The following TACC2 variants were observed in gnomAD, a reference collection of about 807,000 sequenced individuals.
TACC2 encodes the protein transforming acidic coiled-coil containing protein 2.
Under a neutral mutation model 227.3 loss-of-function variants are expected in TACC2, and 137 were observed. The ratio of observed to expected loss-of-function variants is 0.60; its 90% CI spans 0.52 to 0.69. TACC2 has a LOEUF of 0.69. Ranked by LOEUF, TACC2 falls within the 30% of genes least tolerant of loss-of-function variation. The pLI is 0.00. For missense variants in TACC2, 3,470 were observed against 3,694.4 expected (o/e 0.94, Z 1.57); for synonymous variants, 1,523 against 1,487.5 (o/e 1.02, Z -0.55).
intron 5 of TACC2, among the ~76,000 whole-genome samples, chr10:122,097,615 G>A (rs1400437963): frequency 6.6e-6 from 1 of 152,116 alleles, no homozygotes. Flanking sequence ...ATGAGATCAA[G>A]CTGGAGGCTA....
Position 122,082,676 on chromosome 10 carries a change from G to A in TACC2, c.176G>A (p.Cys59Tyr). The A allele has an allele frequency of 6.2e-7, 1 of 1,613,514 alleles. No homozygotes were observed. The highest frequency in any genetic ancestry group is 8.5e-7 in the Non-Finnish European group (1 of 1,179,718). The change falls in exon 4 of 23, where the codon TGC becomes TAC. Residue 59 changes from cysteine (C) to tyrosine (Y), a missense_variant. Cys to Tyr is a radical substitution (Grantham distance 194). Transcript: ENST00000369005. ...GGCAGCGTTGGGCTTGGAGGCTTCT[G>A]CACCGCTTCTGAGAGTTCTGCCAGC... The part of the protein sequence containing the change: ...SIGSVGLGGF[C>Y]TASESSASLD...
intron 3 of TACC2, among the ~76,000 whole-genome samples, chr10:122,073,129 ATATATATAT>A (rs2078322863): frequency 1.8e-5 from 1 of 55,778 alleles, no homozygotes; most frequent in African/African-American, 6.2e-5. Flanking sequence ...AAAAAAAAAT[ATATATATAT>A]ATATATATAT....
chr10:122,098,965 G>A (rs1270524811), intron 5 of TACC2, among the ~76,000 whole-genome samples: 1 of 152,208 alleles, frequency 6.6e-6, no homozygotes, highest in Non-Finnish European at 1.5e-5. Context: ...TGGAATCTAG[G>A]GCTTTGGGGT....
chr10:122,192,576 A>T (rs2094445233), intron 7 of TACC2: 1 of 408,542 alleles, frequency 2.4e-6, no homozygotes, highest in Non-Finnish European at 5.1e-6. Context: ...CCGGTGGTGC[A>T]GCTAACTTTT....
In TACC2 at chr10:122,163,706, C is replaced by G. The variant is rs574777994; in HGVS notation, c.5834+20000C>G. ...CTCGGGCGCGCGCCGGCCACACTCG[C>G]GCGCACACATACGCGGCGCTCGCCC... On this transcript the variant is annotated intron_variant, in intron 7 of 22. Coordinates refer to ENST00000369005, the MANE Select transcript of TACC2 (RefSeq NM_206862.4). The G allele has an allele frequency of 7.6e-5, 78 of 1,025,084 alleles. 1 individual carries two copies. The South Asian group carries it at 3.2e-3, about 42-fold the overall frequency. 63.5% of individuals were successfully genotyped at this position (1,025,084 alleles called of 1,614,324 possible).
At chr10:122,247,768 G>A (rs1235463079) in intron 19 of TACC2, 3 of 152,142 alleles carry the variant, frequency 2.0e-5, no homozygotes, top group Non-Finnish European at 2.9e-5. Flanking sequence ...GAAGGGAGAC[G>A]GGTTGAAAAC....
chr10:122,224,640 C>A (rs900124362), intron 11 of TACC2, 86 bp from the exon 12 acceptor site: 1 of 1,216,582 alleles, frequency 8.2e-7, no homozygotes, highest in South Asian at 1.3e-5. Context: ...TCCCACCCTG[C>A]CTGGCTCAGA....
intron 11 of TACC2, among the ~76,000 whole-genome samples, chr10:122,221,720 A>C (rs555908192): frequency 2.6e-5 from 4 of 152,172 alleles, no homozygotes; most frequent in African/African-American, 9.6e-5. Flanking sequence ...GCTCCTTTAC[A>C]TTTGTGTTAC....
intron 7 of TACC2, among the ~76,000 whole-genome samples, chr10:122,168,621 T>A (rs1363470767): frequency 6.6e-6 from 1 of 152,142 alleles, no homozygotes; most frequent in Non-Finnish European, 1.5e-5. Context: ...GGCCATGCCA[T>A]GCTAGGGCCC....
chr10:121,996,096 GCT>G (rs1258627414), intron 1 of TACC2, among the ~76,000 whole-genome samples: 1 of 151,826 alleles, frequency 6.6e-6, no homozygotes, highest in Non-Finnish European at 1.5e-5. Flanking sequence ...ATAGGATCTT[GCT>G]CTGTTGCCCA....
chr10:122,142,359 C>T (rs1431915946), intron 6 of TACC2, among the ~76,000 whole-genome samples: 1 of 152,242 alleles, frequency 6.6e-6, no homozygotes, highest in Non-Finnish European at 1.5e-5. Flanking sequence ...GATGTGGCCC[C>T]TGTCCTCGTG....
At chr10:122,053,048 G>A (rs1477324485) in intron 3 of TACC2, among the ~76,000 whole-genome samples, 1 of 152,162 alleles carries the variant, frequency 6.6e-6, no homozygotes, top group East Asian at 1.9e-4. Flanking sequence ...AACCTATTCG[G>A]TTCTGATCCT....
Position 122,227,900 on chromosome 10 carries a change from A to G in TACC2, c.7788A>G (p.Pro2596=), listed in dbSNP as rs753808693. 6.2e-7 allele frequency: 1 copy of G among 1,614,258 alleles called. No homozygotes were observed. Among genetic ancestry groups the G allele is most frequent in the East Asian group, 2.2e-5 (1 of 44,888 alleles). The change falls in exon 14 of 23, where the codon CCA becomes CCG. Residue 2596 remains proline (P), a synonymous_variant. Transcript: ENST00000369005. The part of the protein sequence containing the change: ...NTAAKNQHPV[P]RGLAPNQESH... Reference sequence around the variant, plus strand: ...CTGCGAAAAACCAGCATCCTGTCCCACGAGGACTGGCCCCTAACCAAGAGT... The same window carrying G: ...CTGCGAAAAACCAGCATCCTGTCCCGCGAGGACTGGCCCCTAACCAAGAGT...
At chr10:122,063,331 G>GGGC (rs997685940) in intron 3 of TACC2, among the ~76,000 whole-genome samples, 2 of 152,124 alleles carry the variant, frequency 1.3e-5, no homozygotes, top group African/African-American at 4.8e-5. Context: ...AGGGTGTGTC[G>GGGC]GGCAGAGCGC....
At chr10:122,017,955 C>CT (rs199883119) in intron 1 of TACC2, among the ~76,000 whole-genome samples, 19,781 of 129,842 alleles carry the variant, frequency 0.15, 1,735 homozygotes, top group Non-Finnish European at 0.21. Flanking sequence ...TAGTGGAATT[C>CT]TTTTTTTTTT....
intron 2 of TACC2, among the ~76,000 whole-genome samples, chr10:122,030,193 A>G (rs1365144961): frequency 6.6e-6 from 1 of 152,116 alleles, no homozygotes; most frequent in Non-Finnish European, 1.5e-5. Flanking sequence ...GAGGTGGGTA[A>G]ACTTCTTTAA....
chr10:122,252,675 T>C (rs1233817750), intron 22 of TACC2, among the ~76,000 whole-genome samples: 1 of 152,054 alleles, frequency 6.6e-6, no homozygotes, highest in Non-Finnish European at 1.5e-5. Context: ...GTATTTTTAG[T>C]AGTGACAGGG....
chr10:122,155,088 T>G (rs1248851333), intron 7 of TACC2, among the ~76,000 whole-genome samples: 2 of 152,230 alleles, frequency 1.3e-5, no homozygotes, highest in Non-Finnish European at 2.9e-5. Context: ...CTGTCTCTGT[T>G]CAAAATGAGG....
chr10:122,178,919 A>G (rs1055404747), intron 7 of TACC2, among the ~76,000 whole-genome samples: 1 of 152,156 alleles, frequency 6.6e-6, no homozygotes, highest in Non-Finnish European at 1.5e-5. Context: ...TTTTTAAAGC[A>G]ATTTACATTA....
Sources: gnomAD v4.1 joint callset for allele counts (sites outside exome capture counted in the v4.1 genomes callset) on GRCh38, gnomAD v4.1.1 for gene constraint, MANE v1.5 for transcripts, NCBI Gene and HGNC (gene_info 2026-07-23, HGNC 2026-07-21) for gene names.